The following EFCAB12 variants were observed in gnomAD, a reference collection of about 807,000 sequenced individuals.
EFCAB12 encodes the protein EF-hand calcium-binding domain-containing protein 12.
EFCAB12 carries 43 observed loss-of-function variants against 53.6 expected under a neutral mutation model. The observed-to-expected ratio is 0.80, with a 90% confidence interval of 0.63 to 1.03. The LOEUF (loss-of-function observed/expected upper bound fraction) is 1.03, where lower values mean the gene tolerates loss of function less well. EFCAB12 is among the 50% of genes least tolerant of loss of function. The pLI, the probability that EFCAB12 is intolerant of heterozygous loss-of-function variation, is 0.00. For missense variants in EFCAB12, 646 were observed against 730.6 expected (o/e 0.88, Z 1.34); for synonymous variants, 269 against 289.2 (o/e 0.93, Z 0.71).
intron 6 of EFCAB12, among the ~76,000 whole-genome samples, chr3:129,406,425 C>A (rs546653853): frequency 1.1e-4 from 17 of 152,214 alleles, no homozygotes; most frequent in African/African-American, 3.9e-4. Flanking sequence ...ATTGTGTCTC[C>A]CCGAAATTCT....
At chr3:129,407,309 C>T (rs1181481708) in intron 6 of EFCAB12, among the ~76,000 whole-genome samples, 1 of 152,168 alleles carries the variant, frequency 6.6e-6, no homozygotes, top group Non-Finnish European at 1.5e-5. Flanking sequence ...CCGCGCAGTC[C>T]ACAGACTGGT....
chr3:129,419,700 A>G (rs1447148350), intron 2 of EFCAB12, among the ~76,000 whole-genome samples: 1 of 152,210 alleles, frequency 6.6e-6, no homozygotes, highest in Non-Finnish European at 1.5e-5. Context: ...CCAGGCCAAC[A>G]TCCTGACTGC....
intron 5 of EFCAB12, among the ~76,000 whole-genome samples, chr3:129,409,679 G>A (rs2072005352): frequency 6.7e-6 from 1 of 149,960 alleles, no homozygotes; most frequent in Non-Finnish European, 1.5e-5. Context: ...TGGCCCACCA[G>A]CTGTTTTTAT....
At chr3:129,410,770 T>C (rs2107737642) in intron 5 of EFCAB12, among the ~76,000 whole-genome samples, 1 of 152,352 alleles carries the variant, frequency 6.6e-6, no homozygotes, top group South Asian at 2.1e-4. Flanking sequence ...AAATGTTTAC[T>C]GGACAAGCTA....
rs763048639 is a variant in EFCAB12 at position 129,401,684 on chromosome 3, G to A, written c.1628C>T (p.Thr543Ile). ...VQHQPHVYPA[T>I]YHPDHWWPLR... The stretch of plus-strand genomic sequence containing the variant: ...GGGCCACCAGTGGTCAGGGTGGTAG[G>A]TGGCTGGGTAGACATGGGGCTGGTG... Residue 543 changes from threonine (T) to isoleucine (I), a missense_variant, in exon 9 of 9, where the codon ACC (threonine) becomes ATC (isoleucine). By Grantham distance (89) the Thr-to-Ile change is moderately conservative (BLOSUM62 -1). Coordinates refer to ENST00000505956, the MANE Select transcript of EFCAB12 (RefSeq NM_207307.3). 5 of 1,591,018 alleles carry A rather than the reference G, an allele frequency of 3.1e-6. No homozygotes were observed. In the South Asian group the frequency reaches 5.7e-5, roughly 18 times the overall value.
In EFCAB12 at chr3:129,420,870, C is replaced by G. The variant is rs114341425; in HGVS notation, c.486+497G>C. Among the ~76,000 whole-genome samples, 1,172 of 152,344 alleles carry G rather than the reference C, an allele frequency of 7.7e-3. 11 individuals are homozygous for G. The highest frequency in any genetic ancestry group is 0.027 in the African/African-American group (1,121 of 41,580). On this transcript the variant is annotated intron_variant, in intron 2 of 8. Transcript: ENST00000505956. Reference sequence around the variant, plus strand: ...CAGAAGCTAGGTCTGAAAGGGCAGCCTCTGTCTTGCTCTCTTTTTTGGACC... The same window carrying G: ...CAGAAGCTAGGTCTGAAAGGGCAGCGTCTGTCTTGCTCTCTTTTTTGGACC...
intron 4 of EFCAB12, chr3:129,413,299 A>G (rs902600534): frequency 5.9e-5 from 9 of 152,272 alleles, no homozygotes; most frequent in Non-Finnish European, 1.0e-4. Context: ...TTTCAAGGAA[A>G]TCACTTCTCT....
intron 6 of EFCAB12, among the ~76,000 whole-genome samples, chr3:129,404,864 G>A (rs1308866625): frequency 6.6e-6 from 1 of 152,160 alleles, no homozygotes; most frequent in Non-Finnish European, 1.5e-5. Context: ...CTGTCGCCCA[G>A]GCTAAAGTAC....
At chr3:129,428,372 C>T in intron 1 of EFCAB12, 68 bp downstream of exon 1, 2 of 1,556,374 alleles carry the variant, frequency 1.3e-6, no homozygotes, top group Non-Finnish European at 1.7e-6. Context: ...AGTTTTTGCC[C>T]TCACCCCACT....
Position 129,404,375 on chromosome 3 carries a change from A to G in EFCAB12, c.1278T>C (p.Ile426=). Residue 426 remains isoleucine, a synonymous_variant, in exon 7 of 9, where the codon ATT becomes ATC. Transcript: ENST00000505956. ...TGGGGCACACTTTGTCCATCTGGAA[A>G]ATGATCTTGTCTCCTGGGTACAGCA... ...KALLYPGDKI[I]FQMDKVCPIR... is the part of the protein sequence containing the mutation. The G allele has an allele frequency of 6.2e-7, 1 of 1,613,732 alleles. No homozygotes were observed. Among genetic ancestry groups the G allele is most frequent in the Non-Finnish European group, 8.5e-7 (1 of 1,179,830 alleles).
intron 2 of EFCAB12, among the ~76,000 whole-genome samples, chr3:129,419,441 A>G (rs74473699): frequency 0.014 from 2,182 of 152,224 alleles, 58 homozygotes; most frequent in African/African-American, 0.046. Flanking sequence ...GGCCTTTAAG[A>G]GGTGATTGGG....
chr3:129,409,315 C>T (rs572442131), intron 5 of EFCAB12, among the ~76,000 whole-genome samples: 24 of 152,174 alleles, frequency 1.6e-4, no homozygotes, highest in Admixed American at 7.2e-4. Flanking sequence ...TGGTGGCGCG[C>T]GCCTGTAGTC....
At chr3:129,404,017 G>A in intron 7 of EFCAB12, 1 of 481,538 alleles carries the variant, frequency 2.1e-6, no homozygotes, top group Admixed American at 3.4e-5. Flanking sequence ...CTGGGGTCAG[G>A]AGGGTAGCTG....
At chr3:129,408,587 C>T in intron 6 of EFCAB12, 58 bp downstream of exon 6, 2 of 1,526,640 alleles carry the variant, frequency 1.3e-6, no homozygotes, top group Admixed American at 2.0e-5. Flanking sequence ...GCATCACCCT[C>T]ACCCCAGCTC....
chr3:129,410,014 AT>A (rs1166927723), intron 5 of EFCAB12, among the ~76,000 whole-genome samples: 70 of 147,026 alleles, frequency 4.8e-4, no homozygotes, highest in Non-Finnish European at 4.7e-4. Context: ...TTATTTATTT[AT>A]TTTTTTTTTT....
chr3:129,413,001 A>T (rs1009009540), intron 4 of EFCAB12: 2 of 152,220 alleles, frequency 1.3e-5, no homozygotes, highest in Non-Finnish European at 2.9e-5. Flanking sequence ...ACCACCTTCT[A>T]TTGAGGCTGT....
At chr3:129,427,717 T>C (rs539896683) in intron 1 of EFCAB12, among the ~76,000 whole-genome samples, 1 of 152,278 alleles carries the variant, frequency 6.6e-6, no homozygotes, top group Non-Finnish European at 1.5e-5. Flanking sequence ...ACATTCTGAG[T>C]CTGCCAACTC....
In EFCAB12 at chr3:129,421,446, T is replaced by C; in HGVS notation, c.407A>G (p.Glu136Gly). The change falls in exon 2 of 9, where the codon GAG (glutamate) becomes GGG (glycine). Residue 136 changes from glutamate to glycine, a missense_variant. Glu to Gly is a moderately conservative substitution (Grantham distance 98). Coordinates refer to ENST00000505956, the MANE Select transcript of EFCAB12 (RefSeq NM_207307.3). Reference sequence around the variant, plus strand: ...GTGGATCATGTGTAAGACCTTGGCCTCTGAAGGCGTGATGCTGGGCTTGTT... The same window carrying C: ...GTGGATCATGTGTAAGACCTTGGCCCCTGAAGGCGTGATGCTGGGCTTGTT... ...LENKPSITPS[E>G]AKVLHMIHEE... 6.2e-7 allele frequency: 1 copy of C among 1,614,068 alleles called. No individual in the cohort carries two copies. The highest frequency in any genetic ancestry group is 8.5e-7 in the Non-Finnish European group (1 of 1,179,902).
chr3:129,407,131 C>T (rs1363704989), intron 6 of EFCAB12, among the ~76,000 whole-genome samples: 1 of 152,154 alleles, frequency 6.6e-6, no homozygotes, highest in African/African-American at 2.4e-5. Flanking sequence ...TGTGGACACA[C>T]AAGAGAGACA....
Sources: allele counts gnomAD v4.1 joint callset (sites outside exome capture counted in the v4.1 genomes callset), GRCh38; gene constraint gnomAD v4.1.1; transcripts MANE v1.5; gene names NCBI Gene and HGNC (gene_info 2026-07-23, HGNC 2026-07-21).